Variants in TADA2A observed in about 807,000 individuals in gnomAD.
TADA2A encodes the protein transcriptional adaptor 2A, also known as transcriptional adapter 2-alpha.
TADA2A carries 38 observed loss-of-function variants against 67.4 expected under a neutral mutation model. The ratio of observed to expected loss-of-function variants is 0.56; its 90% CI spans 0.44 to 0.74. The LOEUF (loss-of-function observed/expected upper bound fraction) is 0.74. Among genes scored for constraint, TADA2A ranks in the 30% least tolerant of loss-of-function variants. TADA2A has a pLI of 0.00. For missense variants in TADA2A, 454 were observed against 547.0 expected (o/e 0.83, Z 1.70); for synonymous variants, 192 against 181.6 (o/e 1.06, Z -0.46).
chr17:37,417,270 G>A (rs545306031), intron 2 of TADA2A, among the ~76,000 whole-genome samples: 2 of 151,108 alleles, frequency 1.3e-5, no homozygotes, highest in African/African-American at 4.8e-5. Flanking sequence ...CAGCTACTTG[G>A]GAGGCTGAGG....
At chr17:37,458,998 C>A (rs1359489976) in intron 9 of TADA2A, among the ~76,000 whole-genome samples, 1 of 152,100 alleles carries the variant, frequency 6.6e-6, no homozygotes, top group Non-Finnish European at 1.5e-5. Context: ...TGATTGACCA[C>A]ATATAGTCCA....
chr17:37,439,942 ATTATT>A (rs1472333656), intron 5 of TADA2A, among the ~76,000 whole-genome samples: 17 of 58,466 alleles, frequency 2.9e-4, no homozygotes, highest in East Asian at 8.8e-4. Flanking sequence ...TTATTTATTT[ATTATT>A]TTTTTTTTTT....
At chr17:37,443,254 CTT>C (rs965371949) in intron 7 of TADA2A, among the ~76,000 whole-genome samples, 27 of 141,308 alleles carry the variant, frequency 1.9e-4, no homozygotes, top group South Asian at 2.3e-4. Flanking sequence ...TAGTCTGGTT[CTT>C]TTTTTTTTTT....
At chr17:37,441,868 G>C (rs758612580) in intron 6 of TADA2A, among the ~76,000 whole-genome samples, 1 of 152,020 alleles carries the variant, frequency 6.6e-6, no homozygotes, top group Admixed American at 6.6e-5. Flanking sequence ...AGGTTTTGCT[G>C]TGTTGGCGAG....
intron 9 of TADA2A, among the ~76,000 whole-genome samples, chr17:37,461,587 T>C (rs1463375788): frequency 1.3e-5 from 2 of 152,260 alleles, no homozygotes; most frequent in Non-Finnish European, 2.9e-5. Flanking sequence ...TGTTTTATAA[T>C]GCCCTTTCAT....
intron 12 of TADA2A, among the ~76,000 whole-genome samples, 192 bp downstream of exon 12, chr17:37,467,717 A>G (rs2053696441): frequency 6.6e-6 from 1 of 152,132 alleles, no homozygotes; most frequent in African/African-American, 2.4e-5. Context: ...CTTTGGTACT[A>G]CAAAAGTTGT....
At chr17:37,440,782 G>C in intron 6 of TADA2A, 120 bp downstream of exon 6, 1 of 1,260,016 alleles carries the variant, frequency 7.9e-7, no homozygotes. Context: ...GATAGGAGGA[G>C]TTAGTATGGC....
intron 14 of TADA2A, among the ~76,000 whole-genome samples, chr17:37,473,707 C>T (rs951657387): frequency 2.0e-5 from 3 of 152,222 alleles, no homozygotes; most frequent in Non-Finnish European, 4.4e-5. Flanking sequence ...TGGCCAGTGA[C>T]CTCCTACTTG....
chr17:37,439,685 C>T (rs1406504173), intron 5 of TADA2A, among the ~76,000 whole-genome samples: 4 of 152,138 alleles, frequency 2.6e-5, no homozygotes, highest in African/African-American at 9.7e-5. Context: ...CTAGGTTTAA[C>T]TTAAATTCTG....
intron 2 of TADA2A, among the ~76,000 whole-genome samples, chr17:37,417,852 T>A (rs979858096): frequency 2.6e-5 from 4 of 152,042 alleles, no homozygotes; most frequent in African/African-American, 9.7e-5. Flanking sequence ...TTTCAAAAAT[T>A]AAAAATAATA....
chr17:37,429,045 C>CAAAAAA (rs375811520), intron 4 of TADA2A, among the ~76,000 whole-genome samples: 1 of 109,608 alleles, frequency 9.1e-6, no homozygotes, highest in Non-Finnish European at 2.0e-5. Context: ...GACTCCGTCT[C>CAAAAAA]AAAAAAAAAA....
intron 4 of TADA2A, among the ~76,000 whole-genome samples, chr17:37,428,510 A>G (rs534484044): frequency 5.1e-4 from 78 of 152,258 alleles, no homozygotes; most frequent in African/African-American, 1.9e-3. Flanking sequence ...TGTTGATGAA[A>G]TCCAGGGAAT....
At chr17:37,458,640 TGTGTGTGTGTGTGTG>T in intron 9 of TADA2A, 53 bp downstream of exon 9, 4 of 342,182 alleles carry the variant, frequency 1.2e-5, no homozygotes, top group Non-Finnish European at 1.6e-5. Context: ...TATTGTTTTG[TGTGTGTGTGTGTGTG>T]TGTGTGTGTG....
chr17:37,416,973 C>G (rs566651972), intron 2 of TADA2A, among the ~76,000 whole-genome samples: 1 of 151,926 alleles, frequency 6.6e-6, no homozygotes, highest in East Asian at 1.9e-4. Context: ...TTTGAAATAC[C>G]TTTTGAAGGA....
chr17:37,466,871 T>C (rs1465400056), intron 11 of TADA2A, among the ~76,000 whole-genome samples: 1 of 152,144 alleles, frequency 6.6e-6, no homozygotes, highest in Non-Finnish European at 1.5e-5. Context: ...AAAAATTATA[T>C]TTTGCCCAGT....
intron 15 of TADA2A, 119 bp from the exon 16 acceptor site, chr17:37,476,678 T>A: frequency 2.1e-6 from 2 of 967,528 alleles, no homozygotes; most frequent in Non-Finnish European, 3.1e-6. Flanking sequence ...CAGCCACCCA[T>A]CAGCTCCTAT....
At chr17:37,464,571 G>A (rs781316241) in intron 10 of TADA2A, among the ~76,000 whole-genome samples, 13 of 152,080 alleles carry the variant, frequency 8.5e-5, no homozygotes, top group Non-Finnish European at 1.8e-4. Flanking sequence ...CGGGCGCGGT[G>A]GCTCACACCT....
intron 4 of TADA2A, among the ~76,000 whole-genome samples, chr17:37,433,066 C>T (rs2052619406): frequency 6.7e-6 from 1 of 149,718 alleles, no homozygotes; most frequent in Admixed American, 6.8e-5. Flanking sequence ...CCCTTTCTCT[C>T]ATTTCTTTTT....
At chr17:37,421,127 G>C (rs1251336834) in intron 2 of TADA2A, among the ~76,000 whole-genome samples, 1 of 146,910 alleles carries the variant, frequency 6.8e-6, no homozygotes, top group Non-Finnish European at 1.5e-5. Context: ...AGGTGTGGTG[G>C]CTCATGCCTA....
Sources: allele counts gnomAD v4.1 joint callset (sites outside exome capture counted in the v4.1 genomes callset), GRCh38; gene constraint gnomAD v4.1.1; transcripts MANE v1.5; gene names NCBI Gene and HGNC (gene_info 2026-07-23, HGNC 2026-07-21).